BPIFB6: variants seen among roughly 807,000 people sequenced by gnomAD.
The protein encoded by BPIFB6 is BPI fold-containing family B member 6.
BPIFB6 carries 47 observed loss-of-function variants against 54.7 expected under a neutral mutation model. The ratio of observed to expected loss-of-function variants is 0.86; its 90% confidence interval spans 0.68 to 1.10. BPIFB6 has a LOEUF of 1.10. Among genes scored for constraint, BPIFB6 ranks in the 50% least tolerant of loss-of-function variants. BPIFB6 has a pLI of 0.00. For synonymous variants in BPIFB6, 255 were observed against 225.9 expected (o/e 1.13, Z -1.16); for missense variants, 603 against 564.1 (o/e 1.07, Z -0.70).
Position 33,043,323 on chromosome 20 carries a change from T to C in BPIFB6, c.1285T>C (p.Phe429Leu). ...VLQVGLPLPD[F>L]LAMNYNLAEL... is the part of the protein sequence containing the mutation. The stretch of plus-strand genomic sequence containing the variant: ...TCAAGTGGGGCTCCCACTCCCGGAC[T>C]TTCTGGCCATGAATTACAACCTGGC... Residue 429 changes from phenylalanine (F) to leucine (L), a missense_variant, in exon 14 of 15, where the codon TTT (phenylalanine) becomes CTT (leucine). Phe to Leu is a conservative substitution (Grantham distance 22). Coordinates refer to ENST00000349552, the MANE Select transcript of BPIFB6 (RefSeq NM_174897.2). The C allele has an allele frequency of 3.7e-6, 6 of 1,614,232 alleles. No homozygotes were observed. The highest frequency in any genetic ancestry group is 5.1e-6 in the Non-Finnish European group (6 of 1,180,038).
chr20:33,039,330 T>C lies in BPIFB6; in HGVS notation c.901-17T>C, dbSNP rs200171093. ...GTCTAAGGACTGGCCCTGAGTGAAG[T>C]GTTCTGGTTTCTGTAGGTGGCTGTA... On this transcript the variant is annotated splice_polypyrimidine_tract_variant and intron_variant, in intron 9 of 14. Transcript: ENST00000349552. 1.3e-6 allele frequency: 2 copies of C among 1,592,370 alleles called. No homozygotes were observed. Among genetic ancestry groups the C allele is most frequent in the East Asian group, 2.2e-5 (1 of 44,568 alleles).
intron 6 of BPIFB6, 103 bp from the exon 7 acceptor site, chr20:33,036,342 G>A: frequency 1.1e-6 from 1 of 944,580 alleles, no homozygotes; most frequent in Non-Finnish European, 1.6e-6. Context: ...TTTGCCTTGA[G>A]TCACGTGGAG....
intron 8 of BPIFB6, among the ~76,000 whole-genome samples, chr20:33,038,032 A>G (rs1326080819): frequency 6.6e-6 from 1 of 151,936 alleles, no homozygotes; most frequent in Admixed American, 6.6e-5. Context: ...AGCAACACCC[A>G]CCCACTCATC....
rs745417225 is a variant in BPIFB6, at chr20:33,040,215, C to A, written c.1075-36C>A. The stretch of plus-strand genomic sequence containing the variant: ...TTGCCAGCCCTGATGGTGGGGAACC[C>A]ACTGCCTTCTCCCTGCTTCCTCCCC... On this transcript the variant is annotated intron_variant, in intron 10 of 14. Coordinates refer to ENST00000349552, the MANE Select transcript of BPIFB6 (RefSeq NM_174897.2). 6.3e-6 allele frequency: 10 copies of A among 1,598,366 alleles called. No homozygotes were observed. The South Asian group carries it at 8.8e-5, about 14-fold the overall frequency.
At chr20:33,038,052 G>T (rs1211907374) in intron 8 of BPIFB6, among the ~76,000 whole-genome samples, 1 of 152,024 alleles carries the variant, frequency 6.6e-6, no homozygotes, top group Non-Finnish European at 1.5e-5. Context: ...CTTTCTAGCT[G>T]TCATGTATTC....
At chr20:33,032,883 C>T in intron 1 of BPIFB6, 101 bp from the exon 2 acceptor site, 1 of 888,488 alleles carries the variant, frequency 1.1e-6, no homozygotes. Context: ...GGGTCTCTGC[C>T]ATCGTCCAGC....
At chr20:33,031,771 C>T (rs757670563) in intron 1 of BPIFB6, 27 bp downstream of exon 1, 71 of 1,604,730 alleles carry the variant, frequency 4.4e-5, no homozygotes, top group Non-Finnish European at 5.7e-5. Flanking sequence ...CCCGGGCGTG[C>T]AGCTGGGAGG....
chr20:33,033,030 A>T lies in BPIFB6; in HGVS notation c.144A>T (p.Ala48=), dbSNP rs939201237. 1.9e-6 allele frequency: 3 copies of T among 1,614,000 alleles called. No homozygotes were observed. The African/African-American group carries it at 4.0e-5, about 22-fold the overall frequency. Residue 48 remains alanine (A), a synonymous_variant, in exon 2 of 15, where the codon GCA becomes GCT. Transcript: ENST00000349552. ...MDESHILEKM[A]AEAGKKQPGM... is the part of the protein sequence containing the mutation. The stretch of plus-strand genomic sequence containing the variant: ...AGAGTCATATCCTGGAGAAGATGGC[A>T]GCCGAGGCAGGCAAGAAACAGCCAG...
chr20:33,033,452 G>C, intron 2 of BPIFB6: 1 of 455,860 alleles, frequency 2.2e-6, no homozygotes, highest in Non-Finnish European at 4.4e-6. Flanking sequence ...CTAATGACAA[G>C]AGGAAACTGG....
intron 2 of BPIFB6, 40 bp from the exon 3 acceptor site, chr20:33,034,146 T>C (rs1217232773): frequency 6.7e-7 from 1 of 1,484,032 alleles, no homozygotes; most frequent in African/African-American, 1.4e-5. Flanking sequence ...GGGTCTTGCC[T>C]GCTCAGATCT....
chr20:33,044,066 G>A (rs774553565), downstream of BPIFB6: 1 of 1,614,064 alleles, frequency 6.2e-7, no homozygotes, highest in Non-Finnish European at 8.5e-7. Context: ...GGACTCCCCT[G>A]CCAGCTGCCT....
intron 5 of BPIFB6, 87 bp downstream of exon 5, chr20:33,035,231 C>G: frequency 7.4e-7 from 1 of 1,347,422 alleles, no homozygotes; most frequent in African/African-American, 1.4e-5. Context: ...TGGGTGCTGA[C>G]CCTGATTGAC....
intron 7 of BPIFB6, among the ~76,000 whole-genome samples, chr20:33,036,907 G>C (rs942345876): frequency 2.0e-5 from 3 of 152,172 alleles, no homozygotes; most frequent in Non-Finnish European, 4.4e-5. Context: ...ACAAGGCAGG[G>C]AAGAGACCCC....
At chr20:33,040,156 G>T (rs571876050) in intron 10 of BPIFB6, 95 bp from the exon 11 acceptor site, 25 of 1,099,836 alleles carry the variant, frequency 2.3e-5, no homozygotes. Flanking sequence ...TCTTGGCAAT[G>T]GTGGTAGTGC....
At chr20:33,040,217 C>G (rs1407372863) in intron 10 of BPIFB6, 34 bp from the exon 11 acceptor site, 1 of 1,604,294 alleles carries the variant, frequency 6.2e-7, no homozygotes, top group South Asian at 1.1e-5. Flanking sequence ...GGGGAACCCA[C>G]TGCCTTCTCC....
intron 1 of BPIFB6, among the ~76,000 whole-genome samples, chr20:33,032,458 C>A (rs1407676757): frequency 6.6e-6 from 1 of 152,146 alleles, no homozygotes; most frequent in Non-Finnish European, 1.5e-5. Flanking sequence ...CCAGAGGAGT[C>A]CCCTAATCAC....
intron 12 of BPIFB6, 151 bp from the exon 13 acceptor site, chr20:33,042,664 C>G: frequency 1.5e-6 from 1 of 678,864 alleles, no homozygotes. Context: ...AGAGCCAAGG[C>G]CAGGCCCAGT....
chr20:33,041,110 C>T (rs1979566299), intron 11 of BPIFB6, among the ~76,000 whole-genome samples: 1 of 151,982 alleles, frequency 6.6e-6, no homozygotes, highest in Non-Finnish European at 1.5e-5. Flanking sequence ...CTGCCTCAAC[C>T]TCCAGAGTAG....
At chr20:33,035,580 C>A in intron 5 of BPIFB6, 32 bp from the exon 6 acceptor site, 2 of 1,608,162 alleles carry the variant, frequency 1.2e-6, no homozygotes, top group South Asian at 2.2e-5. Context: ...CATGCAGGGA[C>A]CCTCTCAGCC....
Sources: allele counts gnomAD v4.1 joint callset (sites outside exome capture counted in the v4.1 genomes callset), GRCh38; gene constraint gnomAD v4.1.1; transcripts MANE v1.5; gene names NCBI Gene and HGNC (gene_info 2026-07-23, HGNC 2026-07-21).